The following VPS37D variants were observed in gnomAD, a reference collection of about 807,000 sequenced individuals.
The protein encoded by VPS37D is vacuolar protein sorting-associated protein 37D.
In VPS37D, 5 loss-of-function variants were observed where a neutral mutation model predicts 22.0. The ratio of observed to expected loss-of-function variants is 0.23; its 90% CI spans 0.12 to 0.48. The LOEUF (loss-of-function observed/expected upper bound fraction) is 0.48, where lower values mean the gene tolerates loss of function less well. VPS37D is among the 20% of genes least tolerant of loss of function. VPS37D has a pLI of 0.99. For synonymous variants in VPS37D, 174 were observed against 159.3 expected, an observed-to-expected ratio of 1.09 and a Z score of -0.69; for missense variants, 384 against 345.8, an observed-to-expected ratio of 1.11 and a Z score of -0.88.
Position 73,671,192 on chromosome 7 carries a change from A to G in VPS37D, c.572A>G (p.Lys191Arg), listed in dbSNP as rs782081660. The change falls in exon 4 of 4, where the codon AAA (lysine) becomes AGA (arginine). Residue 191 changes from lysine to arginine, a missense_variant. Lys to Arg is a conservative substitution (Grantham distance 26). Coordinates refer to ENST00000324941, the MANE Select transcript of VPS37D (RefSeq NM_001077621.2). ...PAPTSAADPP[K>R]SFPAAAVLPT... ...CCCACCTCGGCTGCTGATCCCCCCAAATCCTTCCCGGCTGCAGCTGTCCTG... is the reference window on the plus strand; with the variant it reads ...CCCACCTCGGCTGCTGATCCCCCCAGATCCTTCCCGGCTGCAGCTGTCCTG... 4 of 1,597,570 alleles carry G rather than the reference A, an allele frequency of 2.5e-6. No homozygotes were observed. The highest frequency in any genetic ancestry group is 3.4e-6 in the Non-Finnish European group (4 of 1,174,246).
At chr7:73,670,870 C>T in intron 3 of VPS37D, 144 bp from the exon 4 acceptor site, 3 of 1,195,558 alleles carry the variant, frequency 2.5e-6, no homozygotes, top group Non-Finnish European at 3.4e-6. Flanking sequence ...TAATCGGAGG[C>T]AGGCCCAGGC....
upstream of VPS37D, among the ~76,000 whole-genome samples, chr7:73,667,117 C>T (rs980391962): frequency 6.6e-6 from 1 of 151,842 alleles, no homozygotes; most frequent in Admixed American, 6.6e-5. Flanking sequence ...GGACTACAGG[C>T]GCCCGCCACC....
At chr7:73,667,686 G>C (rs1797406009), upstream of VPS37D, 2 of 153,558 alleles carry the variant, frequency 1.3e-5, no homozygotes, top group South Asian at 2.1e-4. Context: ...GGGGCGGGGA[G>C]ATCGGGTTGC....
At chr7:73,667,586 A>G (rs1389208033), upstream of VPS37D, among the ~76,000 whole-genome samples, 1 of 152,190 alleles carries the variant, frequency 6.6e-6, no homozygotes, top group Non-Finnish European at 1.5e-5. Flanking sequence ...TGCAAATTGT[A>G]ACCGCCCGGG....
rs1317026477 is a variant in VPS37D, at chr7:73,667,873, G to C, written c.-86G>C. 5.1e-5 allele frequency: 17 copies of C among 333,270 alleles called. No individual in the cohort carries two copies. In the South Asian group the frequency reaches 1.6e-3, roughly 31 times the overall value. The allele number at this position is 333,270 out of a possible 1,614,324, so 20.6% of individuals were successfully genotyped here. A position where few individuals can be genotyped will look rare whatever the true frequency, so the allele number is the denominator to read the frequency against. Reference sequence around the variant, plus strand: ...CGGAGCCGGAGCGGATCCTGGAGCCGGAGCGGAGCGGAGCGGAGCGGAGCC... The same window carrying C: ...CGGAGCCGGAGCGGATCCTGGAGCCCGAGCGGAGCGGAGCGGAGCGGAGCC... On this transcript the variant is annotated 5_prime_UTR_variant, in exon 1 of 4. Transcript: ENST00000324941.
Position 73,671,088 on chromosome 7 carries a change from C to G in VPS37D, c.468C>G (p.Ala156=). ...TGCCTGCCTTCCAGCGTGGCCGCGC[C>G]CTGGCCCACCTGAGGCGGACGCAGG... The part of the protein sequence containing the change: ...AFLPAFQRGR[A]LAHLRRTQAE... Residue 156 remains alanine (A), a synonymous_variant, in exon 4 of 4, where the codon GCC becomes GCG. Transcript: ENST00000324941. 1.2e-6 allele frequency: 2 copies of G among 1,610,970 alleles called. No homozygotes were observed. Among genetic ancestry groups the G allele is most frequent in the Non-Finnish European group, 1.7e-6 (2 of 1,179,646 alleles).
At chr7:73,670,176 C>A in intron 3 of VPS37D, 74 bp downstream of exon 3, 1 of 1,546,206 alleles carries the variant, frequency 6.5e-7, no homozygotes, top group Non-Finnish European at 8.7e-7. Context: ...CTCATTCTTA[C>A]ACCTCAGGCT....
Sources: gnomAD v4.1 joint callset for allele counts (sites outside exome capture counted in the v4.1 genomes callset) on GRCh38, gnomAD v4.1.1 for gene constraint, MANE v1.5 for transcripts, NCBI Gene and HGNC (gene_info 2026-07-23, HGNC 2026-07-21) for gene names.